The following CHIT1 variants were observed in gnomAD, a reference collection of about 807,000 sequenced individuals.
The protein encoded by CHIT1 is chitinase 1, also known as chitotriosidase-1.
CHIT1 carries 47 observed loss-of-function variants against 52.0 expected under a neutral mutation model. The ratio of observed to expected loss-of-function variants is 0.90; its 90% confidence interval spans 0.71 to 1.15. The LOEUF (loss-of-function observed/expected upper bound fraction) is 1.15. CHIT1 is among the 50% of genes most tolerant of loss of function. The pLI, the probability that CHIT1 is intolerant of heterozygous loss-of-function variation, is 0.00. For missense variants in CHIT1, 569 were observed against 583.0 expected (o/e 0.98, Z 0.25); for synonymous variants, 242 against 228.2 (o/e 1.06, Z -0.54).
Position 203,216,232 on chromosome 1 carries a change from A to G in CHIT1, c.*657T>C, listed in dbSNP as rs1347884518. 8.8e-6 allele frequency: 4 copies of G among 454,094 alleles called. No individual in the cohort carries two copies. The highest frequency in any genetic ancestry group is 1.8e-5 in the Non-Finnish European group (4 of 226,790). The allele number at this position is 454,094 out of a possible 1,614,324, so 28.1% of individuals were successfully genotyped here. On this transcript the variant is annotated 3_prime_UTR_variant, in exon 11 of 11. Transcript: ENST00000367229. Reference sequence around the variant, plus strand: ...ATCATTGTTCCTTCTTCATCTGGTGAACGGGGGCAGTAGGTGAGATAGGGC... The same window carrying G: ...ATCATTGTTCCTTCTTCATCTGGTGGACGGGGGCAGTAGGTGAGATAGGGC...
chr1:203,217,605 A>C, intron 10 of CHIT1, 134 bp downstream of exon 10: 1 of 1,435,186 alleles, frequency 7.0e-7, no homozygotes, highest in African/African-American at 1.4e-5. Context: ...GGGTACATGA[A>C]GCTTGGGAAA....
intron 7 of CHIT1, among the ~76,000 whole-genome samples, chr1:203,221,598 G>A (rs1384386329): frequency 1.3e-5 from 2 of 152,100 alleles, no homozygotes; most frequent in African/African-American, 2.4e-5. Context: ...ACCCTCCTTG[G>A]TGACAGAACA....
upstream of CHIT1, chr1:203,229,875 T>C (rs890442983): frequency 1.7e-6 from 1 of 595,270 alleles, no homozygotes; most frequent in Admixed American, 2.3e-5. Flanking sequence ...TGACTCTTAG[T>C]GTTGCCAAAC....
Position 203,223,477 on chromosome 1 carries a change from C to A in CHIT1, c.480+18G>T. 1.2e-6 allele frequency: 2 copies of A among 1,613,608 alleles called. No individual in the cohort carries two copies. Among genetic ancestry groups the A allele is most frequent in the East Asian group, 4.5e-5 (2 of 44,878 alleles). Reference sequence around the variant, plus strand: ...GGTCCCTGCACAGACTGGTGATCCCCGCCCCGCCCAGCCATACCTGTACCA... The same window carrying A: ...GGTCCCTGCACAGACTGGTGATCCCAGCCCCGCCCAGCCATACCTGTACCA... On this transcript the variant is annotated intron_variant, in intron 5 of 10. Coordinates refer to ENST00000367229, the MANE Select transcript of CHIT1 (RefSeq NM_003465.3).
rs186594769 is a variant in CHIT1 at position 203,216,964 on chromosome 1, C to A, written c.1326G>T (p.Ala442=). 6.2e-7 allele frequency: 1 copy of A among 1,614,164 alleles called. No individual in the cohort carries two copies. Among genetic ancestry groups the A allele is most frequent in the East Asian group, 2.2e-5 (1 of 44,882 alleles). The stretch of plus-strand genomic sequence containing the variant: ...GGCAGCTTTGCTGGAACAGCCGCCC[C>A]GCTGCACAGCTGTAGAAGCTGGACC... ...RERSSFYSCA[A]GRLFQQSCPT... is the part of the protein sequence containing the mutation. The change falls in exon 11 of 11, where the codon GCG becomes GCT. Residue 442 remains alanine, a synonymous_variant. Transcript: ENST00000367229.
chr1:203,228,063 G>A (rs544264324), intron 2 of CHIT1, among the ~76,000 whole-genome samples: 1 of 152,194 alleles, frequency 6.6e-6, no homozygotes, highest in Non-Finnish European at 1.5e-5. Flanking sequence ...CATCTGATCA[G>A]TTCAACAGAC....
intron 2 of CHIT1, among the ~76,000 whole-genome samples, chr1:203,227,208 G>A (rs1455768439): frequency 2.0e-5 from 3 of 152,178 alleles, no homozygotes; most frequent in East Asian, 1.9e-4. Context: ...GGGCATACAC[G>A]TGGCCCCGGA....
upstream of CHIT1, chr1:203,230,003 G>A: frequency 6.0e-6 from 2 of 335,852 alleles, no homozygotes. Flanking sequence ...TGGAGGAAGA[G>A]AAATGACTCA....
chr1:203,225,142 C>T (rs1275891218), intron 3 of CHIT1, 38 bp from the exon 4 acceptor site: 1 of 1,605,810 alleles, frequency 6.2e-7, no homozygotes, highest in African/African-American at 1.3e-5. Flanking sequence ...TTTACTCTGC[C>T]AGCTCCCAGG....
chr1:203,223,166 C>T lies in CHIT1; in HGVS notation c.574G>A (p.Asp192Asn). The change falls in exon 6 of 11, where the codon GAT (aspartate) becomes AAT (asparagine). Residue 192 changes from aspartate to asparagine, a missense_variant. Physicochemically the swap from Asp to Asn is conservative, Grantham distance 23. Coordinates refer to ENST00000367229, the MANE Select transcript of CHIT1 (RefSeq NM_003465.3). ...AAVPAGQTYV[D>N]AGYEVDKIAQ... is the part of the protein sequence containing the mutation. ...ATTTTGTCCACCTCGTATCCAGCATCCACATAGGTCTGCCCAGCTGGAACC... is the reference window on the plus strand; with the variant it reads ...ATTTTGTCCACCTCGTATCCAGCATTCACATAGGTCTGCCCAGCTGGAACC... 7.4e-6 allele frequency: 12 copies of T among 1,614,208 alleles called. No homozygotes were observed. Among genetic ancestry groups the T allele is most frequent in the Non-Finnish European group, 1.0e-5 (12 of 1,180,040 alleles).
At chr1:203,218,159 T>G (rs552085944) in intron 9 of CHIT1, 1 of 1,373,604 alleles carries the variant, frequency 7.3e-7, no homozygotes, top group African/African-American at 1.4e-5. Flanking sequence ...GTGGGAACCC[T>G]TCACCGCTTG....
At position 203,216,484 on chromosome 1, in the gene CHIT1, C is replaced by A. The variant is rs570622650; in HGVS notation, c.*405G>T. 5 of 458,036 alleles carry A rather than the reference C, an allele frequency of 1.1e-5. No individual in the cohort carries two copies. Among genetic ancestry groups the A allele is most frequent in the African/African-American group, 6.0e-5 (3 of 50,260 alleles). The allele number at this position is 458,036 out of a possible 1,614,324, so 28.4% of individuals were successfully genotyped here. Reference sequence around the variant, plus strand: ...CCAAAGAACGTGTTGCACTTGGGGCCGCGCTCTGGCTGCCATCACCTGTGT... The same window carrying A: ...CCAAAGAACGTGTTGCACTTGGGGCAGCGCTCTGGCTGCCATCACCTGTGT... On this transcript the variant is annotated 3_prime_UTR_variant, in exon 11 of 11. Transcript: ENST00000367229.
intron 10 of CHIT1, 70 bp downstream of exon 10, chr1:203,217,669 A>G (rs2102229698): frequency 6.2e-7 from 1 of 1,611,070 alleles, no homozygotes; most frequent in African/African-American, 1.3e-5. Context: ...CCTACAGTTC[A>G]TTGGATGCAT....
rs1353539562 is a variant in CHIT1, at chr1:203,223,794, C to T, written c.315-134G>A. On this transcript the variant is annotated intron_variant, in intron 4 of 10. Transcript: ENST00000367229. Reference sequence around the variant, plus strand: ...GCTAGGAGGGGCACTGGGAGGGCTGCTTCAGAGGCTGCAGGGATATTTGCT... The same window carrying T: ...GCTAGGAGGGGCACTGGGAGGGCTGTTTCAGAGGCTGCAGGGATATTTGCT... 6.7e-6 allele frequency: 6 copies of T among 898,222 alleles called. No individual in the cohort carries two copies. The African/African-American group carries it at 8.2e-5, about 12-fold the overall frequency. 55.6% of individuals were successfully genotyped at this position (898,222 alleles called of 1,614,324 possible).
Position 203,225,674 on chromosome 1 carries a change from C to G in CHIT1, c.252G>C (p.Lys84Asn). 2 of 1,604,050 alleles carry G rather than the reference C, an allele frequency of 1.2e-6. No individual in the cohort carries two copies. The highest frequency in any genetic ancestry group is 1.7e-6 in the Non-Finnish European group (2 of 1,173,958). The stretch of plus-strand genomic sequence containing the variant: ...GCTCCTCTGCTTTGGCTCACATCTT[C>G]TTCAGGCCATTGAACTCCTGGTAGA... ...ETLYQEFNGL[K>N]KMNPKLKTLL... Residue 84 changes from lysine (K) to asparagine (N), a missense_variant, in exon 3 of 11, where the codon AAG becomes AAC. Coordinates refer to ENST00000367229, the MANE Select transcript of CHIT1 (RefSeq NM_003465.3).
chr1:203,221,848 A>G (rs1338426634), intron 7 of CHIT1, among the ~76,000 whole-genome samples: 1 of 152,118 alleles, frequency 6.6e-6, no homozygotes, highest in African/African-American at 2.4e-5. Context: ...CATGGAGCAC[A>G]AGTCTGCCCA....
In CHIT1 at chr1:203,217,853, T is replaced by C. The variant is rs1656592779; in HGVS notation, c.1042A>G (p.Lys348Glu). 5.0e-6 allele frequency: 8 copies of C among 1,612,902 alleles called. No homozygotes were observed. The highest frequency in any genetic ancestry group is 6.8e-6 in the Non-Finnish European group (8 of 1,179,632). ...ATGGCCCCGCCCAGTCCCTTCTGCT[T>C]CAGATAGCTGACCTGTGCAGGGAGG... ...ESFKTKVSYL[K>E]QKGLGGAMVW... is the part of the protein sequence containing the mutation. Residue 348 changes from lysine to glutamate, a missense_variant, in exon 10 of 11, where the codon AAG becomes GAG. By Grantham distance (56) the Lys-to-Glu change is moderately conservative (BLOSUM62 1). Transcript: ENST00000367229.
chr1:203,217,847 T>TGGCC lies in CHIT1; in HGVS notation c.1047_1048insGGCC (p.Lys350GlyfsTer16), dbSNP rs781266995. On this transcript the variant is annotated frameshift_variant, in exon 10 of 11. Coordinates refer to ENST00000367229, the MANE Select transcript of CHIT1 (RefSeq NM_003465.3). LOFTEE classifies it high-confidence loss of function. Reference sequence around the variant, plus strand: ...CAGACCATGGCCCCGCCCAGTCCCTTCTGCTTCAGATAGCTGACCTGTGCA... The same window carrying TGGCC: ...CAGACCATGGCCCCGCCCAGTCCCTTGGCCCTGCTTCAGATAGCTGACCTGTGCA... 4 of 1,098,788 alleles carry TGGCC rather than the reference T, an allele frequency of 3.6e-6. No homozygotes were observed. Among genetic ancestry groups the TGGCC allele is most frequent in the Admixed American group, 2.8e-5 (1 of 35,296 alleles). The allele number at this position is 1,098,788 out of a possible 1,614,324, so 68.1% of individuals were successfully genotyped here.
intron 6 of CHIT1, 42 bp from the exon 7 acceptor site, chr1:203,222,367 G>A: frequency 1.2e-6 from 2 of 1,613,930 alleles, no homozygotes; most frequent in Non-Finnish European, 1.7e-6. Flanking sequence ...CAAGGGATTG[G>A]GGGTGGGGTA....
Sources: allele counts gnomAD v4.1 joint callset (sites outside exome capture counted in the v4.1 genomes callset), GRCh38; gene constraint gnomAD v4.1.1; transcripts MANE v1.5; gene names NCBI Gene and HGNC (gene_info 2026-07-23, HGNC 2026-07-21).